Variants in ANKRD11 observed in about 807,000 individuals in gnomAD.
The protein encoded by ANKRD11 is ankyrin repeat domain-containing protein 11.
In ANKRD11, 17 loss-of-function variants were observed where a neutral mutation model predicts 195.7. The ratio of observed to expected loss-of-function variants is 0.09; its 90% confidence interval spans 0.06 to 0.13. The LOEUF is 0.13. Among genes scored for constraint, ANKRD11 ranks in the 10% least tolerant of loss-of-function variants. The pLI is 1.00. For missense variants in ANKRD11, 3,735 were observed against 3,566.1 expected (o/e 1.05, Z -1.21); for synonymous variants, 1,953 against 1,528.1 (o/e 1.28, Z -6.49).
At chr16:89,338,619 G>A (rs2038497200) in intron 2 of ANKRD11, among the ~76,000 whole-genome samples, 1 of 150,660 alleles carries the variant, frequency 6.6e-6, no homozygotes, top group Non-Finnish European at 1.5e-5. Context: ...CAGCTACTTG[G>A]GAGGCTGAGA....
At chr16:89,360,723 G>A (rs58529721) in intron 2 of ANKRD11, 2 of 152,328 alleles carry the variant, frequency 1.3e-5, no homozygotes, top group East Asian at 3.9e-4. Flanking sequence ...CAAAACTCCA[G>A]GTGTGTGTGT....
intron 1 of ANKRD11, among the ~76,000 whole-genome samples, chr16:89,489,779 G>A (rs952953929): frequency 4.7e-5 from 1 of 21,412 alleles, no homozygotes; most frequent in Non-Finnish European, 8.9e-5. Flanking sequence ...CCGAGCCCCC[G>A]AGGCCCGCCC....
chr16:89,380,844 G>A (rs751811158), intron 2 of ANKRD11, among the ~76,000 whole-genome samples: 9 of 152,296 alleles, frequency 5.9e-5, no homozygotes, highest in East Asian at 1.9e-4. Flanking sequence ...GTGCAGTTCC[G>A]GCCCCAAAGG....
intron 2 of ANKRD11, among the ~76,000 whole-genome samples, chr16:89,410,696 C>T (rs145362528): frequency 7.2e-5 from 11 of 152,332 alleles, no homozygotes; most frequent in Admixed American, 2.0e-4. Flanking sequence ...ATCCATTTAG[C>T]AAAACGTCAA....
intron 1 of ANKRD11, among the ~76,000 whole-genome samples, chr16:89,440,696 CCAACTCACAG>C (rs1396254208): frequency 2.0e-5 from 3 of 152,144 alleles, no homozygotes; most frequent in Non-Finnish European, 2.9e-5. Flanking sequence ...CCCAAAAAAT[CCAACTCACAG>C]CAACGTGGGC....
Position 89,285,733 on chromosome 16 carries a change from G to T in ANKRD11, c.893-84C>A, listed in dbSNP as rs556309887. On this transcript the variant is annotated intron_variant, in intron 8 of 12. Coordinates refer to ENST00000301030, the MANE Select transcript of ANKRD11 (RefSeq NM_013275.6). This position sits in a 1 kb window ranked among gnomAD's most constrained non-coding sequence, Gnocchi z 5.6. Reference sequence around the variant, plus strand: ...GGCAGAGGAGGGAGGCTCTGCAGATGTGTCTGCGGGAAGGTTCCCACCCTG... The same window carrying T: ...GGCAGAGGAGGGAGGCTCTGCAGATTTGTCTGCGGGAAGGTTCCCACCCTG... 7.5e-6 allele frequency: 11 copies of T among 1,460,020 alleles called. No homozygotes were observed. The highest frequency in any genetic ancestry group is 5.7e-5 in the South Asian group (5 of 87,016). 90.4% of individuals were successfully genotyped at this position (1,460,020 alleles called of 1,614,324 possible).
At chr16:89,292,121 G>C (rs955539501) in intron 4 of ANKRD11, among the ~76,000 whole-genome samples, 2 of 152,196 alleles carry the variant, frequency 1.3e-5, no homozygotes, top group Admixed American at 6.5e-5. Flanking sequence ...TGAAACTGCA[G>C]AGGTGCAGCG....
At chr16:89,335,404 G>C (rs964875703) in intron 2 of ANKRD11, among the ~76,000 whole-genome samples, 3 of 152,206 alleles carry the variant, frequency 2.0e-5, no homozygotes, top group African/African-American at 7.2e-5. Context: ...AGCAGCTTGA[G>C]GCCTCTGCAT....
chr16:89,317,211 CA>C (rs1167483818), intron 2 of ANKRD11, 133 bp from the exon 3 acceptor site: 4 of 715,596 alleles, frequency 5.6e-6, no homozygotes, highest in Non-Finnish European at 7.4e-6. Flanking sequence ...GGGCCCGGGC[CA>C]GGCCCAGGAA....
chr16:89,292,833 C>T (rs1236297883), intron 4 of ANKRD11, among the ~76,000 whole-genome samples: 1 of 152,246 alleles, frequency 6.6e-6, no homozygotes. Flanking sequence ...GCTTGGGTCA[C>T]AGGCGCTTGG....
At chr16:89,415,132 T>C (rs1246569023) in intron 2 of ANKRD11, among the ~76,000 whole-genome samples, 3 of 151,894 alleles carry the variant, frequency 2.0e-5, no homozygotes, top group Non-Finnish European at 4.4e-5. Context: ...TTTTTTATTT[T>C]TTGTAGAGAT....
intron 2 of ANKRD11, among the ~76,000 whole-genome samples, chr16:89,397,770 G>T (rs1407348873): frequency 6.6e-6 from 1 of 152,234 alleles, no homozygotes; most frequent in Admixed American, 6.5e-5. Context: ...CTGATTGACA[G>T]GCAAGGGACT....
At chr16:89,398,606 T>A (rs1320508651) in intron 2 of ANKRD11, among the ~76,000 whole-genome samples, 2 of 152,072 alleles carry the variant, frequency 1.3e-5, no homozygotes, top group Non-Finnish European at 2.9e-5. Context: ...GCTGGGTGTG[T>A]TGGCACCTGC....
At chr16:89,468,277 G>C (rs1191342399) in intron 1 of ANKRD11, among the ~76,000 whole-genome samples, 8 of 152,188 alleles carry the variant, frequency 5.3e-5, no homozygotes. Context: ...ATGCCACATG[G>C]CACAGACTCT....
In ANKRD11 at chr16:89,279,050, C is replaced by G. The variant is rs139905754; in HGVS notation, c.7470+22G>C. ...GCATCCCAGAGAGAGAAGGCAGTGG[C>G]TCTCCCGGGCCCCGCACTCACCACG... On this transcript the variant is annotated intron_variant, in intron 9 of 12. Coordinates refer to ENST00000301030, the MANE Select transcript of ANKRD11 (RefSeq NM_013275.6). This position sits in a 1 kb window ranked among gnomAD's most constrained non-coding sequence, Gnocchi z 5.6. The G allele has an allele frequency of 9.9e-5, 159 of 1,613,190 alleles. No individual in the cohort carries two copies. In the African/African-American group the frequency reaches 1.9e-3, roughly 19 times the overall value.
intron 9 of ANKRD11, chr16:89,278,802 C>T: frequency 1.6e-6 from 1 of 641,762 alleles, no homozygotes. Flanking sequence ...ACGAGTGGGA[C>T]CGGGGTGCAC....
intron 2 of ANKRD11, among the ~76,000 whole-genome samples, chr16:89,381,862 C>T (rs767773316): frequency 9.9e-5 from 15 of 152,244 alleles, no homozygotes; most frequent in Non-Finnish European, 1.9e-4. Context: ...GCATAACTTA[C>T]AGCCTCTGCC....
chr16:89,342,518 C>G (rs2038739789), intron 2 of ANKRD11, among the ~76,000 whole-genome samples: 1 of 152,246 alleles, frequency 6.6e-6, no homozygotes, highest in African/African-American at 2.4e-5. Context: ...CGTGAACTCG[C>G]TGCGGCCTGC....
chr16:89,273,262 C>A lies in ANKRD11; in HGVS notation c.7713+1552G>T, dbSNP rs528986976. Among the ~76,000 whole-genome samples the A allele has an allele frequency of 3.3e-5, 5 of 152,246 alleles. No individual in the cohort carries two copies. The East Asian group carries it at 5.8e-4, about 18-fold the overall frequency. On this transcript the variant is annotated intron_variant, in intron 11 of 12. Coordinates refer to ENST00000301030, the MANE Select transcript of ANKRD11 (RefSeq NM_013275.6). ...ATGCTTCCTTGGAAGGTGTTAGAGG[C>A]ACGAGCTGGTCCTCCTCATTTTTGC...
Sources: gnomAD v4.1 joint callset for allele counts (sites outside exome capture counted in the v4.1 genomes callset) on GRCh38, gnomAD v4.1.1 for gene constraint, Gnocchi (gnomAD v3.1) non-coding constraint, MANE v1.5 for transcripts, NCBI Gene and HGNC (gene_info 2026-07-23, HGNC 2026-07-21) for gene names.